Variants in KLHL1 observed in about 807,000 individuals in gnomAD.
KLHL1 encodes the protein kelch-like protein 1.
In KLHL1, 47 loss-of-function variants were observed where a neutral mutation model predicts 77.7. That is an observed-to-expected ratio of 0.60 (90% CI 0.48 to 0.77). The LOEUF is 0.77. Among genes scored for constraint, KLHL1 ranks in the 30% least tolerant of loss-of-function variants. The probability of loss-of-function intolerance (pLI) is 0.00; values close to 1 mark genes in which losing one functional copy is unlikely to be tolerated. For missense variants in KLHL1, 925 were observed against 910.8 expected (o/e 1.02, Z -0.20); for synonymous variants, 360 against 325.2 (o/e 1.11, Z -1.15).
At chr13:69,983,387 T>C (rs1189717738) in intron 1 of KLHL1, among the ~76,000 whole-genome samples, 2 of 151,902 alleles carry the variant, frequency 1.3e-5, no homozygotes, top group Non-Finnish European at 2.9e-5. Context: ...AGATCCCAAA[T>C]ATCTAAAGCC....
chr13:69,875,520 G>A (rs1168123965), intron 5 of KLHL1, among the ~76,000 whole-genome samples: 1 of 152,056 alleles, frequency 6.6e-6, no homozygotes, highest in Admixed American at 6.6e-5. Context: ...CGAAAATAAA[G>A]ACTTTCAGAT....
intron 1 of KLHL1, among the ~76,000 whole-genome samples, chr13:69,989,245 C>T (rs899135273): frequency 6.6e-6 from 1 of 151,698 alleles, no homozygotes; most frequent in East Asian, 1.9e-4. Context: ...GTTTTTGTCA[C>T]CTTTGTCAAA....
rs1309422255 is a variant in KLHL1 at position 69,722,073 on chromosome 13, G to A, written c.1803-2492C>T. Among the ~76,000 whole-genome samples the A allele has an allele frequency of 9.9e-5, 15 of 151,978 alleles. No homozygotes were observed. In the East Asian group the frequency reaches 2.5e-3, roughly 26 times the overall value. On this transcript the variant is annotated intron_variant, in intron 8 of 10. Transcript: ENST00000377844. Reference sequence around the variant, plus strand: ...AAATGTAACCAAATGTATTTTGCAGGGACTTTACTTATGGGCATCTTTCTG... The same window carrying A: ...AAATGTAACCAAATGTATTTTGCAGAGACTTTACTTATGGGCATCTTTCTG...
At position 69,818,093 on chromosome 13, in the gene KLHL1, G is replaced by A. The variant is rs73506327; in HGVS notation, c.1414+20883C>T. On this transcript the variant is annotated intron_variant, in intron 6 of 10. Coordinates refer to ENST00000377844, the MANE Select transcript of KLHL1 (RefSeq NM_020866.3). ...AGATAAGGCTGTAAAAGAAAACTTC[G>A]CTTTTCATCTGACAGCCTTATTTTA... 1.1e-4 allele frequency among the ~76,000 whole-genome samples: 16 copies of A among 151,742 alleles called. No homozygotes were observed. In the East Asian group the frequency reaches 2.1e-3, roughly 20 times the overall value.
intron 5 of KLHL1, among the ~76,000 whole-genome samples, chr13:69,859,258 C>CTTTTTTTTT (rs34612932): frequency 7.0e-6 from 1 of 143,512 alleles, no homozygotes; most frequent in Non-Finnish European, 1.5e-5. Context: ...CCATTTTGCA[C>CTTTTTTTTT]TTTTTTTTTT....
intron 2 of KLHL1, among the ~76,000 whole-genome samples, chr13:69,968,967 T>C (rs1884301918): frequency 1.3e-5 from 2 of 152,134 alleles, no homozygotes; most frequent in Non-Finnish European, 2.9e-5. Flanking sequence ...CAGTAAAATT[T>C]GAATGCACGT....
chr13:69,791,264 A>G (rs185954168), intron 7 of KLHL1, among the ~76,000 whole-genome samples: 1 of 152,238 alleles, frequency 6.6e-6, no homozygotes, highest in East Asian at 1.9e-4. Context: ...GAATAAATTT[A>G]GCAAAATAGG....
chr13:70,032,936 C>A (rs2137368446), intron 1 of KLHL1, among the ~76,000 whole-genome samples: 1 of 152,184 alleles, frequency 6.6e-6, no homozygotes. Context: ...ACTTAAAAGT[C>A]AATTGCAGCT....
chr13:69,911,095 A>G (rs1882221174), intron 4 of KLHL1, among the ~76,000 whole-genome samples: 1 of 152,106 alleles, frequency 6.6e-6, no homozygotes, highest in African/African-American at 2.4e-5. Context: ...TAGAATTGTT[A>G]GTAATCAGTC....
intron 7 of KLHL1, among the ~76,000 whole-genome samples, chr13:69,791,416 G>C (rs1326411254): frequency 1.3e-5 from 2 of 151,832 alleles, no homozygotes; most frequent in East Asian, 3.9e-4. Flanking sequence ...CCCTTTTGTA[G>C]AAATTGATAA....
At chr13:69,903,630 C>CT (rs35761520) in intron 4 of KLHL1, among the ~76,000 whole-genome samples, 25,376 of 49,530 alleles carry the variant, frequency 0.51, 11,076 homozygotes, top group Non-Finnish European at 0.61. Flanking sequence ...TGTTCACATT[C>CT]TTTTTTTTTT....
Position 69,792,615 on chromosome 13 carries a change from T to C in KLHL1, c.1639+4123A>G, listed in dbSNP as rs558909283. Among the ~76,000 whole-genome samples the C allele has an allele frequency of 9.7e-4, 147 of 152,264 alleles. 1 individual carries two copies. The highest frequency in any genetic ancestry group is 2.5e-3 in the Admixed American group (38 of 15,292). On this transcript the variant is annotated intron_variant, in intron 7 of 10. Coordinates refer to ENST00000377844, the MANE Select transcript of KLHL1 (RefSeq NM_020866.3). ...AAGGCATATATAGTAGTTTAAGTCA[T>C]AACAGCCAAACTATAGAAACAAATG...
intron 1 of KLHL1, among the ~76,000 whole-genome samples, chr13:70,018,533 T>C (rs1885714454): frequency 3.9e-5 from 6 of 152,272 alleles, no homozygotes; most frequent in Admixed American, 6.5e-5. Flanking sequence ...ACGTTTCTAG[T>C]GATTTTGAAG....
At chr13:70,097,408 C>T (rs1273917782) in intron 1 of KLHL1, among the ~76,000 whole-genome samples, 1 of 151,942 alleles carries the variant, frequency 6.6e-6, no homozygotes, top group Admixed American at 6.6e-5. Context: ...AGTTTAGAAT[C>T]TCTTCTGTAA....
intron 1 of KLHL1, among the ~76,000 whole-genome samples, chr13:69,988,419 A>G (rs1411538232): frequency 6.6e-6 from 1 of 152,096 alleles, no homozygotes; most frequent in Non-Finnish European, 1.5e-5. Flanking sequence ...GTGCTGCAAT[A>G]AACATATGCA....
intron 7 of KLHL1, among the ~76,000 whole-genome samples, chr13:69,788,865 C>A (rs972638463): frequency 2.0e-5 from 3 of 151,976 alleles, no homozygotes; most frequent in South Asian, 2.1e-4. Flanking sequence ...ATACAGGGGA[C>A]CTTTTTCTGA....
At chr13:69,913,473 C>T (rs1039445713) in intron 4 of KLHL1, among the ~76,000 whole-genome samples, 1 of 152,174 alleles carries the variant, frequency 6.6e-6, no homozygotes, top group Non-Finnish European at 1.5e-5. Flanking sequence ...GCGGTGCACG[C>T]GATGGGGAGA....
chr13:69,780,706 ATATATATATG>A (rs1566243566), intron 7 of KLHL1, among the ~76,000 whole-genome samples: 1,131 of 38,982 alleles, frequency 0.029, 69 homozygotes, highest in African/African-American at 0.089. Flanking sequence ...ATATATGTAT[ATATATATATG>A]TATATATATA....
At chr13:70,048,174 C>T (rs532153850) in intron 1 of KLHL1, among the ~76,000 whole-genome samples, 2 of 152,076 alleles carry the variant, frequency 1.3e-5, no homozygotes, top group African/African-American at 2.4e-5. Flanking sequence ...ATATACTTTC[C>T]CTAGATTTTC....
Sources: allele counts gnomAD v4.1 joint callset (sites outside exome capture counted in the v4.1 genomes callset), GRCh38; gene constraint gnomAD v4.1.1; transcripts MANE v1.5; gene names NCBI Gene and HGNC (gene_info 2026-07-23, HGNC 2026-07-21).